RBFOX1: variants seen among roughly 807,000 people sequenced by gnomAD.
RBFOX1 encodes RNA binding fox-1 homolog 1, also known as RNA binding protein fox-1 homolog 1.
Under a neutral mutation model 57.7 loss-of-function variants are expected in RBFOX1, and 8 were observed. That is an observed-to-expected ratio of 0.14 (90% CI 0.08 to 0.25). The LOEUF is 0.25. Ranked by LOEUF, RBFOX1 falls within the 10% of genes least tolerant of loss-of-function variation. The pLI, the probability that RBFOX1 is intolerant of heterozygous loss-of-function variation, is 1.00. For missense variants in RBFOX1, 611 were observed against 548.5 expected (o/e 1.11, Z -1.14); for synonymous variants, 326 against 222.4 (o/e 1.47, Z -4.15).
At chr16:6,020,236 T>G (rs574056201) in intron 1 of RBFOX1, among the ~76,000 whole-genome samples, 3 of 152,020 alleles carry the variant, frequency 2.0e-5, no homozygotes, top group Admixed American at 2.0e-4. Context: ...CGTCCTTCCT[T>G]GCCCCAGAGC....
chr16:6,598,771 C>A (rs1034565056), intron 2 of RBFOX1, among the ~76,000 whole-genome samples: 5 of 152,090 alleles, frequency 3.3e-5, no homozygotes, highest in African/African-American at 1.2e-4. Context: ...TATGGTGAAA[C>A]CCTGTCTCTA....
At chr16:6,930,162 G>C (rs886788781) in intron 3 of RBFOX1, among the ~76,000 whole-genome samples, 4 of 152,202 alleles carry the variant, frequency 2.6e-5, no homozygotes, top group African/African-American at 9.6e-5. Flanking sequence ...AGAGAAGAGA[G>C]ATATTATCCC....
At chr16:7,487,997 G>T (rs2065872312) in intron 4 of RBFOX1, among the ~76,000 whole-genome samples, 1 of 152,112 alleles carries the variant, frequency 6.6e-6, no homozygotes, top group Non-Finnish European at 1.5e-5. Context: ...CTGGAGCGTA[G>T]ATTACAAGAG....
At chr16:5,965,823 A>G (rs987116409) in intron 4 of RBFOX1, among the ~76,000 whole-genome samples, 8 of 151,790 alleles carry the variant, frequency 5.3e-5, no homozygotes, top group East Asian at 1.9e-4. Flanking sequence ...TTCTTTGGAG[A>G]GTTCAGTGGG....
chr16:6,177,606 C>G (rs1244017162), intron 1 of RBFOX1, among the ~76,000 whole-genome samples: 1 of 152,088 alleles, frequency 6.6e-6, no homozygotes, highest in Non-Finnish European at 1.5e-5. Flanking sequence ...AAAACAAGAC[C>G]TTTTCCCCTC....
intron 1 of RBFOX1, among the ~76,000 whole-genome samples, chr16:6,294,834 A>G (rs2077892065): frequency 1.3e-5 from 2 of 152,222 alleles, no homozygotes; most frequent in African/African-American, 4.8e-5. Flanking sequence ...GCATGTAAAT[A>G]GGAGGAATGT....
intron 4 of RBFOX1, chr16:7,332,880 C>A: frequency 6.4e-7 from 1 of 1,554,344 alleles, no homozygotes; most frequent in East Asian, 2.3e-5. Context: ...GAGTGCTTGG[C>A]TCCTGACAGA....
intron 1 of RBFOX1, among the ~76,000 whole-genome samples, chr16:5,335,664 G>A (rs144621910): frequency 1.3e-5 from 2 of 152,200 alleles, no homozygotes; most frequent in East Asian, 1.9e-4. Context: ...TTTTGTGTGT[G>A]GAGTGGCACG....
intron 2 of RBFOX1, among the ~76,000 whole-genome samples, chr16:5,544,910 A>T (rs1531981): frequency 1.4e-5 from 2 of 146,024 alleles, no homozygotes; most frequent in Non-Finnish European, 3.0e-5. Context: ...AAACTTTCCC[A>T]CAAAGACAAA....
rs190968617 is a variant in RBFOX1 at position 5,242,862 on chromosome 16, G to A, written c.219+2757G>A. ...GCTCCCAGGCTGTGCTCTTGTGGTT[G>A]GGTGGCAAGGGGTTGCTTTATTTGG... On this transcript the variant is annotated intron_variant, in intron 1 of 2. Transcript: ENST00000585867. 3.8e-3 allele frequency among the ~76,000 whole-genome samples: 581 copies of A among 152,154 alleles called. 1 individual carries two copies. Among genetic ancestry groups the A allele is most frequent in the African/African-American group, 0.013 (554 of 41,512 alleles).
rs75282824 is a variant in RBFOX1 at position 6,439,230 on chromosome 16, A to AT, written c.-64+122174dup. The stretch of plus-strand genomic sequence containing the variant: ...TGAGACTACAGGACAGGCAGGGCAG[A>AT]TAGCACATCCTTCGGCCTCTGATGA... On this transcript the variant is annotated intron_variant, in intron 2 of 15. Coordinates refer to ENST00000550418, the MANE Select transcript of RBFOX1 (RefSeq NM_018723.4). Among the ~76,000 whole-genome samples the AT allele has an allele frequency of 5.9e-3, 902 of 152,330 alleles. 30 individuals carry two copies. The East Asian group carries it at 0.12, about 21-fold the overall frequency.
intron 1 of RBFOX1, 98 bp downstream of exon 1, chr16:6,020,090 G>A (rs1180637220): frequency 2.3e-6 from 3 of 1,287,346 alleles, no homozygotes; most frequent in Non-Finnish European, 3.0e-6. Flanking sequence ...CCCGAGAACT[G>A]GCCTCCTCCT....
intron 4 of RBFOX1, among the ~76,000 whole-genome samples, chr16:7,381,681 C>T (rs2097784147): frequency 6.6e-6 from 1 of 152,052 alleles, no homozygotes; most frequent in Admixed American, 6.6e-5. Context: ...ATGCAAATGT[C>T]CCACCGTATG....
At chr16:5,820,967 C>T (rs994457006) in intron 3 of RBFOX1, among the ~76,000 whole-genome samples, 2 of 152,168 alleles carry the variant, frequency 1.3e-5, no homozygotes, top group African/African-American at 4.8e-5. Flanking sequence ...CCTGTGAGCC[C>T]ACCTCCTCTG....
At chr16:7,707,100 G>C (rs116588176) in intron 14 of RBFOX1, among the ~76,000 whole-genome samples, 20 of 152,324 alleles carry the variant, frequency 1.3e-4, no homozygotes, top group African/African-American at 4.8e-4. Context: ...CATCCCTTCA[G>C]GTCCTTGTTT....
intron 2 of RBFOX1, among the ~76,000 whole-genome samples, chr16:5,528,991 A>T (rs1399612114): frequency 1.3e-5 from 2 of 151,898 alleles, no homozygotes; most frequent in African/African-American, 4.8e-5. Flanking sequence ...CCTGATTCTC[A>T]TCTGGTTGCA....
chr16:7,528,195 C>G (rs2079132577), intron 5 of RBFOX1, among the ~76,000 whole-genome samples: 1 of 152,240 alleles, frequency 6.6e-6, no homozygotes, highest in African/African-American at 2.4e-5. Context: ...GGGGGCTTCA[C>G]TGGCTTATTT....
intron 4 of RBFOX1, among the ~76,000 whole-genome samples, chr16:7,183,054 C>G (rs190739059): frequency 1.4e-4 from 21 of 152,244 alleles, no homozygotes; most frequent in Non-Finnish European, 2.6e-4. Context: ...TTTGCTTAAA[C>G]ACATGTATAA....
intron 2 of RBFOX1, among the ~76,000 whole-genome samples, chr16:6,592,002 A>G (rs1465053567): frequency 1.3e-5 from 2 of 152,142 alleles, no homozygotes; most frequent in Non-Finnish European, 2.9e-5. Context: ...TAAGCATCCT[A>G]TTATTTAATC....
Sources: gnomAD v4.1 joint callset for allele counts (sites outside exome capture counted in the v4.1 genomes callset) on GRCh38, gnomAD v4.1.1 for gene constraint, MANE v1.5 for transcripts, NCBI Gene and HGNC (gene_info 2026-07-23, HGNC 2026-07-21) for gene names.